The following REV1 variants were observed in gnomAD, a reference collection of about 807,000 sequenced individuals.
The protein encoded by REV1 is translesion synthesis protein REV1.
A neutral mutation model predicts 137.4 loss-of-function variants in REV1; 42 were observed. The ratio of observed to expected loss-of-function variants is 0.31; its 90% CI spans 0.24 to 0.40. The LOEUF (loss-of-function observed/expected upper bound fraction) is 0.40, where lower values mean the gene tolerates loss of function less well. REV1 is among the 10% of genes least tolerant of loss of function. The probability of loss-of-function intolerance (pLI) is 1.00; values close to 1 mark genes in which losing one functional copy is unlikely to be tolerated. For synonymous variants in REV1, 524 were observed against 519.2 expected, an observed-to-expected ratio of 1.01 and a Z score of -0.12; for missense variants, 1,282 against 1,490.1, an observed-to-expected ratio of 0.86 and a Z score of 2.30.
intron 14 of REV1, among the ~76,000 whole-genome samples, chr2:99,408,874 C>T (rs1676706161): frequency 6.6e-6 from 1 of 152,160 alleles, no homozygotes; most frequent in Non-Finnish European, 1.5e-5. Flanking sequence ...GTATAATGAA[C>T]AAATGAAGTT....
intron 12 of REV1, among the ~76,000 whole-genome samples, chr2:99,418,533 G>A (rs1458380011): frequency 6.6e-6 from 1 of 152,186 alleles, no homozygotes; most frequent in African/African-American, 2.4e-5. Flanking sequence ...AGGACTGAAA[G>A]TCAATTTCAT....
chr2:99,420,911 G>A (rs1217788856), intron 11 of REV1, among the ~76,000 whole-genome samples: 1 of 152,188 alleles, frequency 6.6e-6, no homozygotes, highest in Non-Finnish European at 1.5e-5. Context: ...GAAAGGAAGA[G>A]GTGACTCAGG....
rs545315862 is a variant in REV1, at chr2:99,407,420, C to T, written c.2448+609G>A. On this transcript the variant is annotated intron_variant, in intron 15 of 22. Coordinates refer to ENST00000258428, the MANE Select transcript of REV1 (RefSeq NM_016316.4). The stretch of plus-strand genomic sequence containing the variant: ...ACAAAAAATTAGCTGGGCGTGGTAG[C>T]GGGTGCCTGTACCCCCAGCTACTCG... 3.2e-4 allele frequency among the ~76,000 whole-genome samples: 48 copies of T among 151,466 alleles called. 1 individual carries two copies. Among genetic ancestry groups the T allele is most frequent in the African/African-American group, 1.0e-3 (42 of 41,316 alleles).
At position 99,419,400 on chromosome 2, in the gene REV1, C is replaced by T. The variant is rs189177802; in HGVS notation, c.1832-453G>A. ...GCTAATTTTTCTGTATTTTTACAGA[C>T]GGGGTTTCACCATGTTAGCCAGGAT... On this transcript the variant is annotated intron_variant, in intron 11 of 22. Coordinates refer to ENST00000258428, the MANE Select transcript of REV1 (RefSeq NM_016316.4). 3.5e-3 allele frequency among the ~76,000 whole-genome samples: 535 copies of T among 151,662 alleles called. 2 individuals carry two copies. Among genetic ancestry groups the T allele is most frequent in the African/African-American group, 0.012 (512 of 41,374 alleles).
intron 3 of REV1, among the ~76,000 whole-genome samples, chr2:99,452,534 A>C (rs1369266463): frequency 3.3e-5 from 5 of 152,142 alleles, no homozygotes; most frequent in Admixed American, 2.6e-4. Flanking sequence ...CCATCTCTGC[A>C]ATGTACTGTA....
chr2:99,438,481 T>C, intron 6 of REV1, 120 bp downstream of exon 6: 1 of 680,066 alleles, frequency 1.5e-6, no homozygotes. Context: ...CTTACATGAT[T>C]TGACATACTT....
intron 12 of REV1, among the ~76,000 whole-genome samples, chr2:99,414,456 TAA>T (rs201539173): frequency 1.4e-5 from 2 of 138,492 alleles, no homozygotes; most frequent in Non-Finnish European, 1.6e-5. Context: ...GTTAACAATT[TAA>T]AAAAAAAAAA....
chr2:99,445,893 A>T (rs1682140202), intron 4 of REV1, among the ~76,000 whole-genome samples: 1 of 152,212 alleles, frequency 6.6e-6, no homozygotes, highest in Admixed American at 6.5e-5. Flanking sequence ...TACAAGTGGC[A>T]GTTCCTTTTC....
At chr2:99,471,899 A>C (rs1439758577) in intron 1 of REV1, among the ~76,000 whole-genome samples, 2 of 151,420 alleles carry the variant, frequency 1.3e-5, no homozygotes, top group South Asian at 2.1e-4. Context: ...TAAAAAAAAA[A>C]AAAAAAAAAA....
intron 1 of REV1, among the ~76,000 whole-genome samples, chr2:99,472,821 T>G (rs1463275745): frequency 2.0e-5 from 3 of 152,250 alleles, no homozygotes; most frequent in African/African-American, 7.2e-5. Context: ...TTGGTAACAG[T>G]CTGCTCCAAT....
At chr2:99,432,100 T>C (rs1419719479) in intron 8 of REV1, among the ~76,000 whole-genome samples, 1 of 152,162 alleles carries the variant, frequency 6.6e-6, no homozygotes, top group Non-Finnish European at 1.5e-5. Flanking sequence ...ATTTGGAGCA[T>C]AAATTGTTCC....
intron 3 of REV1, among the ~76,000 whole-genome samples, chr2:99,461,959 G>A (rs1366419503): frequency 6.6e-6 from 1 of 152,196 alleles, no homozygotes; most frequent in African/African-American, 2.4e-5. Context: ...AGCTGGTGGG[G>A]AGGAGGTAGG....
At position 99,401,180 on chromosome 2, in the gene REV1, C is replaced by T; in HGVS notation, c.*61G>A. ...CCGAGCATTACTATCATGCACTTTG[C>T]AAATACCTCACAAGCACTTATGGCA... On this transcript the variant is annotated 3_prime_UTR_variant, in exon 23 of 23. Transcript: ENST00000258428. The T allele has an allele frequency of 9.8e-7, 1 of 1,019,750 alleles. No homozygotes were observed. The highest frequency in any genetic ancestry group is 1.5e-6 in the Non-Finnish European group (1 of 649,350). The allele number at this position is 1,019,750 out of a possible 1,614,324, so 63.2% of individuals were successfully genotyped here.
At chr2:99,432,650 C>A (rs1027755038) in intron 8 of REV1, among the ~76,000 whole-genome samples, 28 of 152,140 alleles carry the variant, frequency 1.8e-4, no homozygotes, top group African/African-American at 6.3e-4. Flanking sequence ...GTCATATAAT[C>A]TTTTTCTAGT....
At chr2:99,417,687 GT>G (rs1678083805) in intron 12 of REV1, among the ~76,000 whole-genome samples, 1 of 152,272 alleles carries the variant, frequency 6.6e-6, no homozygotes, top group African/African-American at 2.4e-5. Flanking sequence ...CTCCAGAACT[GT>G]GAGACAACGC....
At chr2:99,414,014 G>A (rs899986894) in intron 12 of REV1, among the ~76,000 whole-genome samples, 1 of 152,156 alleles carries the variant, frequency 6.6e-6, no homozygotes, top group Admixed American at 6.5e-5. Context: ...AATTAGCTGG[G>A]TGTGGTGGTG....
At position 99,412,726 on chromosome 2, in the gene REV1, A is replaced by C; in HGVS notation, c.2172+5T>G. 6.2e-7 allele frequency: 1 copy of C among 1,607,782 alleles called. No homozygotes were observed. Among genetic ancestry groups the C allele is most frequent in the Non-Finnish European group, 8.5e-7 (1 of 1,174,208 alleles). On this transcript the variant is annotated splice_donor_5th_base_variant and intron_variant, in intron 13 of 22. Coordinates refer to ENST00000258428, the MANE Select transcript of REV1 (RefSeq NM_016316.4). ...AGATGGCAAAATCTGTTCAATGATC[A>C]GTACCTGAGTAAACCTTATTCCATA... is the stretch of plus-strand genomic sequence containing the variant.
At chr2:99,446,432 C>CT (rs1248081533) in intron 4 of REV1, among the ~76,000 whole-genome samples, 2 of 152,150 alleles carry the variant, frequency 1.3e-5, no homozygotes, top group Non-Finnish European at 2.9e-5. Context: ...TATGATCTCC[C>CT]TAGGCGCATC....
At chr2:99,402,430 AT>A in intron 21 of REV1, 84 bp from the exon 22 acceptor site, 1 of 814,816 alleles carries the variant, frequency 1.2e-6, no homozygotes, top group Non-Finnish European at 2.0e-6. Context: ...GGAAAACTGC[AT>A]TTCTACAACT....
Sources: allele counts gnomAD v4.1 joint callset (sites outside exome capture counted in the v4.1 genomes callset), GRCh38; gene constraint gnomAD v4.1.1; transcripts MANE v1.5; gene names NCBI Gene and HGNC (gene_info 2026-07-23, HGNC 2026-07-21).